CCDC38: variants seen among roughly 807,000 people sequenced by gnomAD.
CCDC38 encodes coiled-coil domain-containing protein 38.
A neutral mutation model predicts 72.8 loss-of-function variants in CCDC38; 69 were observed. That is an observed-to-expected ratio of 0.95 (90% confidence interval 0.78 to 1.16). The LOEUF (loss-of-function observed/expected upper bound fraction) is 1.16, where lower values mean the gene tolerates loss of function less well. Ranked by LOEUF, CCDC38 falls within the 50% of genes most tolerant of loss-of-function variation. CCDC38 has a pLI of 0.00. For synonymous variants in CCDC38, 201 were observed against 213.2 expected, an observed-to-expected ratio of 0.94 and a Z score of 0.50; for missense variants, 626 against 638.9, an observed-to-expected ratio of 0.98 and a Z score of 0.22.
At chr12:95,914,559 T>C (rs940664885) in intron 4 of CCDC38, among the ~76,000 whole-genome samples, 1 of 152,136 alleles carries the variant, frequency 6.6e-6, no homozygotes, top group Non-Finnish European at 1.5e-5. Flanking sequence ...AATATGAAAC[T>C]CTAGCAGATA....
At chr12:95,889,669 C>T (rs944891490) in intron 9 of CCDC38, among the ~76,000 whole-genome samples, 4 of 152,036 alleles carry the variant, frequency 2.6e-5, no homozygotes, top group Non-Finnish European at 4.4e-5. Flanking sequence ...TAGCAGGATA[C>T]AGGAGAAAAG....
intron 4 of CCDC38, among the ~76,000 whole-genome samples, chr12:95,913,831 A>C (rs969570669): frequency 7.9e-5 from 12 of 152,168 alleles, no homozygotes; most frequent in African/African-American, 2.9e-4. Context: ...GAGGTAAAAG[A>C]AAGCAAGCTT....
chr12:95,928,878 A>C (rs1163079515), intron 2 of CCDC38, among the ~76,000 whole-genome samples: 7 of 152,324 alleles, frequency 4.6e-5, no homozygotes, highest in East Asian at 1.9e-4. Flanking sequence ...GACCCACTCG[A>C]GGAGGCAGTC....
chr12:95,898,650 C>T lies in CCDC38; in HGVS notation c.451G>A (p.Glu151Lys), dbSNP rs1435335025. ...AGTGCATCATCTTGGAGCTTTTTCT[C>T]TGCTTTTTTTAGTTGCCGTTCCCTC... Reference protein sequence around the residue: ...AMRERQLKKAEKKLQDDALAF... With the variant: ...AMRERQLKKAKKKLQDDALAF... Residue 151 changes from glutamate (E) to lysine (K), a missense_variant, in exon 6 of 16, where the codon GAG becomes AAG. Coordinates refer to ENST00000344280, the MANE Select transcript of CCDC38 (RefSeq NM_182496.3). 1.9e-6 allele frequency: 3 copies of T among 1,614,146 alleles called. No homozygotes were observed. The highest frequency in any genetic ancestry group is 2.5e-6 in the Non-Finnish European group (3 of 1,180,010).
intron 2 of CCDC38, among the ~76,000 whole-genome samples, chr12:95,928,398 T>C (rs1194149825): frequency 2.0e-5 from 3 of 152,248 alleles, no homozygotes; most frequent in Admixed American, 6.5e-5. Context: ...ATCAGCTCCT[T>C]TAAGCACTTC....
chr12:95,927,263 T>C (rs1439220207), intron 2 of CCDC38, among the ~76,000 whole-genome samples: 1 of 152,082 alleles, frequency 6.6e-6, no homozygotes, highest in Non-Finnish European at 1.5e-5. Context: ...TAGTTAGCTC[T>C]TCTTGTTGAA....
Position 95,872,415 on chromosome 12 carries a change from T to C in CCDC38, c.1324A>G (p.Lys442Glu), listed in dbSNP as rs779718363. Residue 442 changes from lysine to glutamate, a missense_variant, in exon 14 of 16, where the codon AAA becomes GAA. By Grantham distance (56) the Lys-to-Glu change is moderately conservative. Coordinates refer to ENST00000344280, the MANE Select transcript of CCDC38 (RefSeq NM_182496.3). ...TCCTCAGCATCTCCAATGCAGACTT[T>C]GTATACTTGAGTAATCTTTTTACTA... is the stretch of plus-strand genomic sequence containing the variant. The part of the protein sequence containing the change: ...SLSKKITQVY[K>E]VCIGDAEDDG... 9 of 1,614,182 alleles carry C rather than the reference T, an allele frequency of 5.6e-6. No individual in the cohort carries two copies. The highest frequency in any genetic ancestry group is 4.5e-5 in the East Asian group (2 of 44,886).
intron 11 of CCDC38, 59 bp downstream of exon 11, chr12:95,881,426 T>C: frequency 8.3e-7 from 1 of 1,210,272 alleles, no homozygotes; most frequent in Non-Finnish European, 1.2e-6. Flanking sequence ...AAAGAATAAA[T>C]GATCATCAGT....
intron 2 of CCDC38, among the ~76,000 whole-genome samples, chr12:95,932,932 C>T (rs1024710428): frequency 2.6e-5 from 4 of 152,010 alleles, no homozygotes; most frequent in African/African-American, 9.7e-5. Flanking sequence ...ATCTCAGGAA[C>T]ATATCCATAC....
chr12:95,909,161 A>G (rs1387979696), intron 4 of CCDC38, among the ~76,000 whole-genome samples: 13 of 152,158 alleles, frequency 8.5e-5, no homozygotes, highest in African/African-American at 3.1e-4. Flanking sequence ...TAGCTAGATT[A>G]ACAAAGAAAA....
At chr12:95,869,442 A>T in intron 15 of CCDC38, 38 bp downstream of exon 15, 1 of 1,444,800 alleles carries the variant, frequency 6.9e-7, no homozygotes, top group South Asian at 1.2e-5. Flanking sequence ...TTTGTATCAC[A>T]TATTGATATG....
intron 9 of CCDC38, among the ~76,000 whole-genome samples, chr12:95,888,837 C>G (rs1188080933): frequency 6.6e-6 from 1 of 151,888 alleles, no homozygotes; most frequent in Non-Finnish European, 1.5e-5. Flanking sequence ...ATCATTCGCC[C>G]CATTGTAGTG....
rs1234411758 is a variant in CCDC38 at position 95,895,985 on chromosome 12, G to A, written c.615-839C>T. Among the ~76,000 whole-genome samples the A allele has an allele frequency of 6.7e-5, 10 of 150,226 alleles. No homozygotes were observed. The South Asian group carries it at 2.1e-3, about 31-fold the overall frequency. On this transcript the variant is annotated intron_variant, in intron 7 of 15. Transcript: ENST00000344280. ...GCAGGAGAATCACTTGAACCTGGGA[G>A]GTAGAGGTTGCAGTGAGCTGAGATC...
At chr12:95,917,856 G>A (rs1400140351) in intron 3 of CCDC38, among the ~76,000 whole-genome samples, 1 of 134,090 alleles carries the variant, frequency 7.5e-6, no homozygotes, top group African/African-American at 3.0e-5. Flanking sequence ...GGGTGACAGA[G>A]CAAGACTGTC....
chr12:95,872,379 T>C lies in CCDC38; in HGVS notation c.1360A>G (p.Asn454Asp). Reference sequence around the variant, plus strand: ...ACTTTTACCAGCTTTTGAATTGGGTTGAGGCCGTCATCCTCAGCATCTCCA... The same window carrying C: ...ACTTTTACCAGCTTTTGAATTGGGTCGAGGCCGTCATCCTCAGCATCTCCA... ...CIGDAEDDGL[N>D]PIQKLVKVES... Residue 454 changes from asparagine to aspartate, a missense_variant, in exon 14 of 16, where the codon AAC becomes GAC. Coordinates refer to ENST00000344280, the MANE Select transcript of CCDC38 (RefSeq NM_182496.3). 14 of 1,614,194 alleles carry C rather than the reference T, an allele frequency of 8.7e-6. No individual in the cohort carries two copies. The highest frequency in any genetic ancestry group is 1.2e-5 in the Non-Finnish European group (14 of 1,180,020).
chr12:95,914,440 A>G (rs1196937252), intron 4 of CCDC38, among the ~76,000 whole-genome samples: 1 of 152,218 alleles, frequency 6.6e-6, no homozygotes, highest in African/African-American at 2.4e-5. Flanking sequence ...AACATTATCA[A>G]CATTTTACCA....
In CCDC38 at chr12:95,881,416, A is replaced by G. The variant is rs571402828; in HGVS notation, c.990+69T>C. The G allele has an allele frequency of 1.7e-4, 198 of 1,180,036 alleles. 1 individual carries two copies. In the African/African-American group the frequency reaches 2.5e-3, roughly 15 times the overall value. 73.1% of individuals were successfully genotyped at this position (1,180,036 alleles called of 1,614,324 possible). ...TTTTGAATAAAATATTTTAATTTCA[A>G]AAGAATAAATGATCATCAGTATTTT... On this transcript the variant is annotated intron_variant, in intron 11 of 15. Transcript: ENST00000344280.
At chr12:95,917,644 G>A (rs1168060827) in intron 3 of CCDC38, among the ~76,000 whole-genome samples, 7 of 152,062 alleles carry the variant, frequency 4.6e-5, no homozygotes, top group Non-Finnish European at 7.4e-5. Flanking sequence ...AGTCCAAGGC[G>A]GGCAGATCAC....
rs1414009649 is a variant in CCDC38 at position 95,905,347 on chromosome 12, T to C, written c.369+1040A>G. ...TAGTAAAGAAAGGAAATGAGGTATA[T>C]TTAATATAAATGTCCTGAAATCCTA... On this transcript the variant is annotated intron_variant, in intron 5 of 15. Transcript: ENST00000344280. Among the ~76,000 whole-genome samples, 4 of 152,296 alleles carry C rather than the reference T, an allele frequency of 2.6e-5. No individual in the cohort carries two copies. The East Asian group carries it at 7.7e-4, about 29-fold the overall frequency.
Sources: gnomAD v4.1 joint callset for allele counts (sites outside exome capture counted in the v4.1 genomes callset) on GRCh38, gnomAD v4.1.1 for gene constraint, MANE v1.5 for transcripts, NCBI Gene and HGNC (gene_info 2026-07-23, HGNC 2026-07-21) for gene names.